Variants in TGFA observed in about 807,000 individuals in gnomAD.
TGFA encodes the protein protransforming growth factor alpha.
TGFA carries 12 observed loss-of-function variants against 21.7 expected under a neutral mutation model. The observed-to-expected ratio is 0.55, with a 90% CI of 0.35 to 0.90. TGFA has a LOEUF of 0.90. Ranked by LOEUF, TGFA falls within the 40% of genes least tolerant of loss-of-function variation. The pLI is 0.01. For missense variants in TGFA, 178 were observed against 210.8 expected, an observed-to-expected ratio of 0.84 and a Z score of 0.96; for synonymous variants, 79 against 88.1, an observed-to-expected ratio of 0.90 and a Z score of 0.58.
At chr2:70,553,432 C>G in intron 1 of TGFA, 1 of 1,416,682 alleles carries the variant, frequency 7.1e-7, no homozygotes, top group South Asian at 1.6e-5. Context: ...AGCAGACACA[C>G]AGCTGCGGCG....
At chr2:70,456,051 A>G (rs537344295) in intron 4 of TGFA, among the ~76,000 whole-genome samples, 329 of 152,344 alleles carry the variant, frequency 2.2e-3, no homozygotes, top group Non-Finnish European at 3.5e-3. Context: ...ACTATTCTGA[A>G]GACTCCAACA....
At chr2:70,504,708 G>C (rs1671868820) in intron 2 of TGFA, among the ~76,000 whole-genome samples, 2 of 151,866 alleles carry the variant, frequency 1.3e-5, no homozygotes, top group Admixed American at 1.3e-4. Context: ...CCAAGAAAGT[G>C]GTTTCCAATC....
intron 2 of TGFA, among the ~76,000 whole-genome samples, chr2:70,496,914 G>C (rs1553498449): frequency 6.6e-6 from 1 of 152,200 alleles, no homozygotes; most frequent in East Asian, 1.9e-4. Context: ...TGCTACTAAG[G>C]AAATGCACAG....
chr2:70,506,361 T>A (rs1278454694), intron 2 of TGFA, among the ~76,000 whole-genome samples: 2 of 152,236 alleles, frequency 1.3e-5, no homozygotes, highest in Non-Finnish European at 2.9e-5. Flanking sequence ...ACAAGGGCAG[T>A]ACATTCAGCC....
chr2:70,494,655 G>A (rs1553498110), intron 2 of TGFA, among the ~76,000 whole-genome samples: 1 of 152,134 alleles, frequency 6.6e-6, no homozygotes, highest in Non-Finnish European at 1.5e-5. Context: ...TTTGTACGCA[G>A]CTCTTATTTT....
chr2:70,551,677 G>A (rs1221599311), intron 1 of TGFA, among the ~76,000 whole-genome samples: 1 of 151,936 alleles, frequency 6.6e-6, no homozygotes, highest in Non-Finnish European at 1.5e-5. Context: ...AAATAAAAAG[G>A]AGTCCTCACT....
intron 1 of TGFA, among the ~76,000 whole-genome samples, chr2:70,540,387 C>T: frequency 6.6e-6 from 1 of 152,130 alleles, no homozygotes; most frequent in East Asian, 1.9e-4. Context: ...CCCAAGTACT[C>T]CTAAGAATGT....
chr2:70,500,854 CCATAGGTTGTCTCTTCA>C (rs1671717752), intron 2 of TGFA, among the ~76,000 whole-genome samples: 1 of 152,154 alleles, frequency 6.6e-6, no homozygotes, highest in Non-Finnish European at 1.5e-5. Context: ...TTCTCCCATT[CCATAGGTTGTCTCTTCA>C]CACTGTTGAT....
intron 1 of TGFA, among the ~76,000 whole-genome samples, chr2:70,543,525 C>CAAAA (rs10580951): frequency 8.5e-6 from 1 of 117,962 alleles, no homozygotes. Context: ...GACTCTGTCT[C>CAAAA]AAAAAAAAAA....
chr2:70,523,795 T>C (rs1672550187), intron 1 of TGFA, among the ~76,000 whole-genome samples: 1 of 152,164 alleles, frequency 6.6e-6, no homozygotes, highest in Non-Finnish European at 1.5e-5. Context: ...AAGAGACAAA[T>C]GAGAATATTG....
At chr2:70,477,235 A>G (rs1321311952) in intron 2 of TGFA, among the ~76,000 whole-genome samples, 7 of 152,220 alleles carry the variant, frequency 4.6e-5, no homozygotes, top group Non-Finnish European at 8.8e-5. Flanking sequence ...AGAAGGAGGA[A>G]GGAGACAAAA....
intron 2 of TGFA, among the ~76,000 whole-genome samples, chr2:70,469,940 A>G (rs546103883): frequency 6.6e-6 from 1 of 152,332 alleles, no homozygotes; most frequent in South Asian, 2.1e-4. Context: ...ACCCCTATTG[A>G]TGGATACCTT....
intron 1 of TGFA, among the ~76,000 whole-genome samples, chr2:70,547,160 C>CATA (rs1673330751): frequency 6.6e-6 from 1 of 152,172 alleles, no homozygotes; most frequent in Non-Finnish European, 1.5e-5. Flanking sequence ...ATTCCCACAA[C>CATA]AATGTGTGGA....
At chr2:70,549,907 G>C (rs1347350414) in intron 1 of TGFA, among the ~76,000 whole-genome samples, 1 of 152,136 alleles carries the variant, frequency 6.6e-6, no homozygotes, top group Non-Finnish European at 1.5e-5. Context: ...AGCCTCTAAG[G>C]CTTCCATATA....
intron 3 of TGFA, among the ~76,000 whole-genome samples, chr2:70,457,545 CTT>C (rs562850221): frequency 2.8e-5 from 4 of 143,660 alleles, no homozygotes; most frequent in African/African-American, 2.6e-5. Flanking sequence ...GGCGGGACTT[CTT>C]TTTTTTTTTT....
intron 1 of TGFA, among the ~76,000 whole-genome samples, chr2:70,517,201 C>T (rs1353591603): frequency 2.6e-5 from 4 of 152,250 alleles, no homozygotes; most frequent in African/African-American, 9.6e-5. Context: ...CGATGTTCCA[C>T]AGATGAAAGA....
At chr2:70,453,192 C>T in intron 5 of TGFA, 26 bp downstream of exon 5, 14 of 1,599,966 alleles carry the variant, frequency 8.8e-6, no homozygotes, top group Non-Finnish European at 1.2e-5. Flanking sequence ...CCAATAGTGT[C>T]TCCCACCAGA....
At chr2:70,511,337 G>A (rs1553500901) in intron 2 of TGFA, among the ~76,000 whole-genome samples, 1 of 152,124 alleles carries the variant, frequency 6.6e-6, no homozygotes, top group Non-Finnish European at 1.5e-5. Flanking sequence ...TTTTCTGGAT[G>A]GTTTGTTTCT....
intron 2 of TGFA, among the ~76,000 whole-genome samples, chr2:70,495,919 C>T (rs1224930316): frequency 6.6e-6 from 1 of 152,050 alleles, no homozygotes; most frequent in Non-Finnish European, 1.5e-5. Context: ...TTACTTGCAC[C>T]CTACTGGCTA....
Sources: gnomAD v4.1 joint callset for allele counts (sites outside exome capture counted in the v4.1 genomes callset) on GRCh38, gnomAD v4.1.1 for gene constraint, MANE v1.5 for transcripts, NCBI Gene and HGNC (gene_info 2026-07-23, HGNC 2026-07-21) for gene names.